NWD1: variants seen among roughly 807,000 people sequenced by gnomAD.
The protein encoded by NWD1 is NACHT domain- and WD repeat-containing protein 1.
Under a neutral mutation model 135.1 loss-of-function variants are expected in NWD1, and 129 were observed. The observed-to-expected ratio is 0.96, with a 90% CI of 0.83 to 1.11. The LOEUF is 1.11. Among genes scored for constraint, NWD1 ranks in the 50% least tolerant of loss-of-function variants. The probability of loss-of-function intolerance (pLI) is 0.00; values close to 1 mark genes in which losing one functional copy is unlikely to be tolerated. For synonymous variants in NWD1, 773 were observed against 786.0 expected (o/e 0.98, Z 0.28); for missense variants, 1,740 against 1,851.3 (o/e 0.94, Z 1.10).
chr19:16,736,175 T>C (rs1967800926), intron 3 of NWD1, among the ~76,000 whole-genome samples: 1 of 141,980 alleles, frequency 7.0e-6, no homozygotes, highest in Admixed American at 7.4e-5. Flanking sequence ...GCAGTCTTTT[T>C]CTTTCCTTCT....
intron 10 of NWD1, among the ~76,000 whole-genome samples, chr19:16,768,486 G>T (rs1330346484): frequency 6.6e-6 from 1 of 152,036 alleles, no homozygotes; most frequent in African/African-American, 2.4e-5. Flanking sequence ...ACTTTTTGAG[G>T]AACGACCACT....
chr19:16,813,299 T>C (rs550229831), intron 18 of NWD1, among the ~76,000 whole-genome samples: 1 of 152,298 alleles, frequency 6.6e-6, no homozygotes, highest in African/African-American at 2.4e-5. Context: ...CCAAGAATTC[T>C]CAATCTGTTT....
At position 16,762,035 on chromosome 19, in the gene NWD1, G is replaced by C; in HGVS notation, c.2030G>C (p.Arg677Thr). 1 of 1,613,958 alleles carries C rather than the reference G, an allele frequency of 6.2e-7. No homozygotes were observed. Among genetic ancestry groups the C allele is most frequent in the Non-Finnish European group, 8.5e-7 (1 of 1,179,838 alleles). ...RYLSGSERAK[R>T]HGVLADFFSG... ...CTGTCAGGATCCGAGAGAGCCAAGA[G>C]GCATGGCGTCCTGGCCGACTTCTTC... The change falls in exon 8 of 19, where the codon AGG becomes ACG. Residue 677 changes from arginine to threonine, a missense_variant. Transcript: ENST00000524140.
At chr19:16,770,740 C>T (rs921465949) in intron 10 of NWD1, among the ~76,000 whole-genome samples, 3 of 152,108 alleles carry the variant, frequency 2.0e-5, no homozygotes, top group African/African-American at 4.8e-5. Flanking sequence ...GTGTTGCCAT[C>T]GAGGGTCCTG....
chr19:16,761,969 C>A lies in NWD1; in HGVS notation c.1974-10C>A, dbSNP rs1404171891. On this transcript the variant is annotated splice_polypyrimidine_tract_variant and intron_variant, in intron 7 of 18. Transcript: ENST00000524140. ...ACCCAGGTCTATCAGTCTGTATACC[C>A]TCTCTGTAGACAGCTGGTCGAGGTG... 1.9e-6 allele frequency: 3 copies of A among 1,612,602 alleles called. No individual in the cohort carries two copies. The East Asian group carries it at 6.7e-5, about 36-fold the overall frequency.
intron 13 of NWD1, among the ~76,000 whole-genome samples, chr19:16,790,226 T>A (rs955419871): frequency 1.3e-5 from 2 of 152,202 alleles, no homozygotes; most frequent in Admixed American, 1.3e-4. Flanking sequence ...GGGAACTCAG[T>A]GACCTTGGTT....
In NWD1 at chr19:16,737,107, G is replaced by C. The variant is rs113457415; in HGVS notation, c.198+357G>C. On this transcript the variant is annotated intron_variant, in intron 4 of 18. Coordinates refer to ENST00000524140, the MANE Select transcript of NWD1 (RefSeq NM_001007525.5). ...GCCATGGAAAAGGTGGAAACCCACA[G>C]GGTCTTGGGATATTTTTTTTCCTCC... is the stretch of plus-strand genomic sequence containing the variant. Among the ~76,000 whole-genome samples, 7 of 152,028 alleles carry C rather than the reference G, an allele frequency of 4.6e-5. 2 individuals are homozygous for C. Among genetic ancestry groups the C allele is most frequent in the African/African-American group, 1.7e-4 (7 of 41,494 alleles).
intron 11 of NWD1, among the ~76,000 whole-genome samples, chr19:16,776,612 T>C (rs1969608991): frequency 6.8e-6 from 1 of 146,788 alleles, no homozygotes; most frequent in Non-Finnish European, 1.5e-5. Context: ...ATTTCCAAGG[T>C]CACACAATGA....
At chr19:16,809,851 C>T (rs553227620) in intron 18 of NWD1, among the ~76,000 whole-genome samples, 14 of 152,184 alleles carry the variant, frequency 9.2e-5, no homozygotes, top group African/African-American at 3.4e-4. Flanking sequence ...GCCACCGTGC[C>T]TGGCTGCTCC....
chr19:16,785,616 G>C (rs2123025513), intron 12 of NWD1, among the ~76,000 whole-genome samples: 1 of 150,620 alleles, frequency 6.6e-6, no homozygotes, highest in East Asian at 1.9e-4. Context: ...AAAATGTTCT[G>C]AACTTATATA....
chr19:16,737,913 C>T (rs936420423), intron 4 of NWD1, among the ~76,000 whole-genome samples: 7 of 149,864 alleles, frequency 4.7e-5, no homozygotes, highest in East Asian at 2.0e-4. Flanking sequence ...TGCAGTGAGC[C>T]GAGATCATGC....
chr19:16,762,092 T>C lies in NWD1; in HGVS notation c.2087T>C (p.Leu696Pro). ...ACCTGGAGCCAGGGTACCAAGAAGC[T>C]CATCACTCTGCCACTTGTGGGGAAA... The part of the protein sequence containing the change: ...SGTWSQGTKK[L>P]ITLPLVGKPL... Residue 696 changes from leucine (L) to proline (P), a missense_variant, in exon 8 of 19, where the codon CTC becomes CCC. Leu to Pro is a moderately conservative substitution (Grantham distance 98). Transcript: ENST00000524140. 1.2e-6 allele frequency: 2 copies of C among 1,614,058 alleles called. No individual in the cohort carries two copies. The highest frequency in any genetic ancestry group is 1.7e-6 in the Non-Finnish European group (2 of 1,179,974).
At chr19:16,808,991 G>A (rs966903903) in intron 18 of NWD1, among the ~76,000 whole-genome samples, 1 of 152,188 alleles carries the variant, frequency 6.6e-6, no homozygotes, top group African/African-American at 2.4e-5. Context: ...GGCTGAGGCG[G>A]AAGGATTGAT....
chr19:16,794,180 A>G (rs1340994073), intron 14 of NWD1, among the ~76,000 whole-genome samples: 1 of 151,982 alleles, frequency 6.6e-6, no homozygotes, highest in Non-Finnish European at 1.5e-5. Flanking sequence ...AGCTTGGCCC[A>G]CATGGTGAAA....
At chr19:16,769,441 G>A (rs1055870490) in intron 10 of NWD1, among the ~76,000 whole-genome samples, 8 of 144,112 alleles carry the variant, frequency 5.6e-5, no homozygotes, top group Non-Finnish European at 1.1e-4. Context: ...CAGCCTTGGC[G>A]ACAGAGCAAA....
chr19:16,763,491 A>G lies in NWD1; in HGVS notation c.2134-337A>G, dbSNP rs145878461. On this transcript the variant is annotated intron_variant, in intron 8 of 18. Transcript: ENST00000524140. ...CTTTCACACCTCCAGACCTTTGCCCATGCTGTTCCCTTGCCCTGGAATGCC... is the reference window on the plus strand; with the variant it reads ...CTTTCACACCTCCAGACCTTTGCCCGTGCTGTTCCCTTGCCCTGGAATGCC... 8.0e-3 allele frequency among the ~76,000 whole-genome samples: 1,213 copies of G among 152,152 alleles called. 11 individuals are homozygous for G. The highest frequency in any genetic ancestry group is 0.027 in the African/African-American group (1,135 of 41,522).
At chr19:16,744,394 T>C (rs1460867911) in intron 4 of NWD1, 27 bp from the exon 5 acceptor site, 1 of 1,533,402 alleles carries the variant, frequency 6.5e-7, no homozygotes, top group South Asian at 1.2e-5. Flanking sequence ...AAAGTGAGAT[T>C]TGAATCTGTG....
intron 12 of NWD1, among the ~76,000 whole-genome samples, chr19:16,783,369 T>C (rs1969926772): frequency 6.6e-6 from 1 of 151,950 alleles, no homozygotes; most frequent in African/African-American, 2.4e-5. Flanking sequence ...GAACGGTGGC[T>C]CATGCCTGTA....
rs1970160842 is a variant in NWD1, at chr19:16,789,203, T to C, written c.2940+13T>C. 6.3e-7 allele frequency: 1 copy of C among 1,594,526 alleles called. No individual in the cohort carries two copies. The highest frequency in any genetic ancestry group is 8.6e-7 in the Non-Finnish European group (1 of 1,162,604). On this transcript the variant is annotated intron_variant, in intron 13 of 18. Coordinates refer to ENST00000524140, the MANE Select transcript of NWD1 (RefSeq NM_001007525.5). ...ATCTGGCTCAAAGGTAACAAACATA[T>C]GCCCTGTTTGTAAAGGAAAGCTGAG...
Sources: gnomAD v4.1 joint callset for allele counts (sites outside exome capture counted in the v4.1 genomes callset) on GRCh38, gnomAD v4.1.1 for gene constraint, MANE v1.5 for transcripts, NCBI Gene and HGNC (gene_info 2026-07-23, HGNC 2026-07-21) for gene names.